The following MAGI3 variants were observed in gnomAD, a reference collection of about 807,000 sequenced individuals.
The protein encoded by MAGI3 is membrane-associated guanylate kinase, WW and PDZ domain-containing protein 3.
A neutral mutation model predicts 121.8 loss-of-function variants in MAGI3; 43 were observed. The observed-to-expected ratio is 0.35, with a 90% CI of 0.28 to 0.46. MAGI3 has a LOEUF of 0.46. Ranked by LOEUF, MAGI3 falls within the 20% of genes least tolerant of loss-of-function variation. The pLI is 1.00. For synonymous variants in MAGI3, 553 were observed against 639.3 expected, an observed-to-expected ratio of 0.86 and a Z score of 2.04; for missense variants, 1,547 against 1,797.3, an observed-to-expected ratio of 0.86 and a Z score of 2.52.
At chr1:113,641,845 C>T (rs1311024962) in intron 9 of MAGI3, 66 bp from the exon 10 acceptor site, 6 of 1,425,320 alleles carry the variant, frequency 4.2e-6, no homozygotes, top group Admixed American at 4.6e-5. Context: ...TTATTTTTGC[C>T]CCTCTAGCAA....
intron 1 of MAGI3, among the ~76,000 whole-genome samples, chr1:113,398,261 G>A (rs1651223373): frequency 6.6e-6 from 1 of 152,172 alleles, no homozygotes; most frequent in Admixed American, 6.6e-5. Flanking sequence ...CACATACTGA[G>A]AGATATTGTT....
chr1:113,467,266 G>A (rs1655332975), intron 1 of MAGI3, among the ~76,000 whole-genome samples: 1 of 151,994 alleles, frequency 6.6e-6, no homozygotes, highest in South Asian at 2.1e-4. Context: ...GGTTCCTCTT[G>A]TTATTGATTT....
At position 113,622,986 on chromosome 1, in the gene MAGI3, T is replaced by C. The variant is rs1650932478; in HGVS notation, c.1352T>C (p.Ile451Thr). 1 of 1,510,228 alleles carries C rather than the reference T, an allele frequency of 6.6e-7. No individual in the cohort carries two copies. 93.6% of individuals were successfully genotyped at this position (1,510,228 alleles called of 1,614,324 possible). A position where few individuals can be genotyped will look rare whatever the true frequency, so the allele number is the denominator to read the frequency against. ...GGTCCCGCAGCTCAGGATGGGAAAA[T>C]TGCACCAGGTAAGAAATTTTTCATA... ...KDGPAAQDGK[I>T]APGDVIVDIN... The change falls in exon 9 of 21, where the codon ATT (isoleucine) becomes ACT (threonine). Residue 451 changes from isoleucine (I) to threonine (T), a missense_variant. Coordinates refer to ENST00000307546, the MANE Select transcript of MAGI3 (RefSeq NM_001142782.2).
At chr1:113,563,814 T>C (rs1008857833) in intron 2 of MAGI3, among the ~76,000 whole-genome samples, 2 of 152,172 alleles carry the variant, frequency 1.3e-5, no homozygotes, top group Non-Finnish European at 2.9e-5. Flanking sequence ...CCCCATGCAG[T>C]TTCCTGCCTG....
intron 2 of MAGI3, among the ~76,000 whole-genome samples, chr1:113,571,467 A>G (rs996016191): frequency 2.0e-5 from 3 of 152,210 alleles, no homozygotes; most frequent in Non-Finnish European, 4.4e-5. Flanking sequence ...CATTGAATCT[A>G]TAAATTACTT....
chr1:113,631,322 G>A (rs1025595425), intron 9 of MAGI3, among the ~76,000 whole-genome samples: 2 of 152,070 alleles, frequency 1.3e-5, no homozygotes, highest in East Asian at 3.8e-4. Context: ...GGTACTTTTA[G>A]TGTGTAGTTA....
intron 8 of MAGI3, among the ~76,000 whole-genome samples, chr1:113,621,565 C>T (rs1650822167): frequency 6.6e-6 from 1 of 151,974 alleles, no homozygotes; most frequent in Admixed American, 6.6e-5. Context: ...GAAAATATGT[C>T]CACACAAAAC....
intron 5 of MAGI3, among the ~76,000 whole-genome samples, chr1:113,592,862 CTT>C (rs1648770508): frequency 6.6e-6 from 1 of 151,714 alleles, no homozygotes; most frequent in Admixed American, 6.6e-5. Flanking sequence ...AATGCAAAAA[CTT>C]AGCTGGGCAC....
At chr1:113,599,383 G>A (rs1649224499) in intron 6 of MAGI3, among the ~76,000 whole-genome samples, 1 of 152,044 alleles carries the variant, frequency 6.6e-6, no homozygotes, top group Non-Finnish European at 1.5e-5. Flanking sequence ...AATGATAAAA[G>A]GGGATATCAC....
Position 113,673,471 on chromosome 1 carries a change from TTGGTTTC to T in MAGI3, c.3189+9_3189+15del. 1 of 1,612,220 alleles carries T rather than the reference TTGGTTTC, an allele frequency of 6.2e-7. No homozygotes were observed. The highest frequency in any genetic ancestry group is 8.5e-7 in the Non-Finnish European group (1 of 1,179,752). ...TCAAAGATGGCAGAATTCATGTGAG[TTGGTTTC>T]TGTCTGTAACCTTAGGTTCAGGCTC... On this transcript the variant is annotated splice_region_variant and intron_variant, in intron 19 of 20. Transcript: ENST00000307546.
At chr1:113,672,082 A>G (rs1647592566) in intron 17 of MAGI3, among the ~76,000 whole-genome samples, 1 of 152,198 alleles carries the variant, frequency 6.6e-6, no homozygotes, top group Non-Finnish European at 1.5e-5. Flanking sequence ...CTTGCCTGAC[A>G]TGCGAGGATT....
At chr1:113,478,859 G>T (rs1655980488) in intron 1 of MAGI3, among the ~76,000 whole-genome samples, 1 of 152,230 alleles carries the variant, frequency 6.6e-6, no homozygotes, top group African/African-American at 2.4e-5. Context: ...CACAGAGGTG[G>T]AGTCTAGAGG....
chr1:113,637,580 A>G (rs1380196664), intron 9 of MAGI3, among the ~76,000 whole-genome samples: 2 of 152,152 alleles, frequency 1.3e-5, no homozygotes, highest in African/African-American at 4.8e-5. Context: ...TGGCTTGTAG[A>G]GTTTCTGCCA....
intron 9 of MAGI3, among the ~76,000 whole-genome samples, chr1:113,630,527 C>T (rs1484700335): frequency 6.6e-6 from 1 of 152,184 alleles, no homozygotes; most frequent in Non-Finnish European, 1.5e-5. Context: ...AAGCAGCAGT[C>T]TTTCACCATA....
intron 9 of MAGI3, among the ~76,000 whole-genome samples, chr1:113,640,272 A>G (rs1570983356): frequency 1.4e-5 from 2 of 143,736 alleles, no homozygotes; most frequent in South Asian, 5.0e-4. Flanking sequence ...ACGCTTTTAC[A>G]CTATTGGTGG....
rs979969874 is a variant in MAGI3 at position 113,580,726 on chromosome 1, G to A, written c.553+65G>A. 2.0e-5 allele frequency: 29 copies of A among 1,439,276 alleles called. No individual in the cohort carries two copies. The South Asian group carries it at 4.5e-4, about 22-fold the overall frequency. 89.2% of individuals were successfully genotyped at this position (1,439,276 alleles called of 1,614,324 possible). A position where few individuals can be genotyped will look rare whatever the true frequency, so the allele number is the denominator to read the frequency against. On this transcript the variant is annotated intron_variant, in intron 3 of 20. Transcript: ENST00000307546. ...TCTGAACGACTGGAATTATTTCAGA[G>A]GGAATTTGACCAGTAAAGTACCACT...
chr1:113,497,401 G>GA (rs1656980971), intron 1 of MAGI3, among the ~76,000 whole-genome samples: 1 of 108,482 alleles, frequency 9.2e-6, no homozygotes, highest in Non-Finnish European at 1.9e-5. Context: ...CCTCACCTGG[G>GA]AAGCGCAAGG....
At chr1:113,549,816 A>C (rs758100707) in intron 2 of MAGI3, among the ~76,000 whole-genome samples, 185 bp downstream of exon 2, 1 of 152,152 alleles carries the variant, frequency 6.6e-6, no homozygotes, top group Non-Finnish European at 1.5e-5. Flanking sequence ...TGTTTTTAAA[A>C]GTAGAAAAAT....
intron 9 of MAGI3, among the ~76,000 whole-genome samples, chr1:113,637,338 A>G (rs1355698564): frequency 6.6e-6 from 1 of 152,122 alleles, no homozygotes; most frequent in African/African-American, 2.4e-5. Context: ...TGGTCTTTAC[A>G]ATTTGGCATG....
Sources: gnomAD v4.1 joint callset for allele counts (sites outside exome capture counted in the v4.1 genomes callset) on GRCh38, gnomAD v4.1.1 for gene constraint, MANE v1.5 for transcripts, NCBI Gene and HGNC (gene_info 2026-07-23, HGNC 2026-07-21) for gene names.